PRDM16: variants seen among roughly 807,000 people sequenced by gnomAD.
PRDM16 encodes the protein PR/SET domain 16, also known as histone-lysine N-methyltransferase PRDM16.
Under a neutral mutation model 110.6 loss-of-function variants are expected in PRDM16, and 23 were observed. That is an observed-to-expected ratio of 0.21 (90% CI 0.15 to 0.29). The LOEUF (loss-of-function observed/expected upper bound fraction) is 0.29. Among genes scored for constraint, PRDM16 ranks in the 10% least tolerant of loss-of-function variants. The pLI is 1.00. For synonymous variants in PRDM16, 799 were observed against 781.8 expected (o/e 1.02, Z -0.37); for missense variants, 1,615 against 1,794.3 (o/e 0.90, Z 1.81).
At position 3,425,233 on chromosome 1, in the gene PRDM16, A is replaced by T; in HGVS notation, c.2940-348A>T. The T allele has an allele frequency of 5.5e-6, 1 of 182,042 alleles. No homozygotes were observed. Among genetic ancestry groups the T allele is most frequent in the Non-Finnish European group, 1.2e-5 (1 of 85,706 alleles). 11.3% of individuals were successfully genotyped at this position (182,042 alleles called of 1,614,324 possible). Reference sequence around the variant, plus strand: ...GCTGGGACTACAGGCGCCCACCACCACGACTGGCTGATTTTTTTGTATTTT... The same window carrying T: ...GCTGGGACTACAGGCGCCCACCACCTCGACTGGCTGATTTTTTTGTATTTT... On this transcript the variant is annotated intron_variant, in intron 12 of 16. Transcript: ENST00000270722. This position sits in a 1 kb window ranked among gnomAD's most constrained non-coding sequence, Gnocchi z 6.9.
chr1:3,177,883 C>T (rs878945973), intron 1 of PRDM16, among the ~76,000 whole-genome samples: 2 of 152,310 alleles, frequency 1.3e-5, no homozygotes, highest in African/African-American at 2.4e-5. Context: ...CAACCTCAGG[C>T]GTTCACATCT....
intron 1 of PRDM16, among the ~76,000 whole-genome samples, chr1:3,124,127 C>A (rs1160580262): frequency 6.6e-6 from 1 of 152,206 alleles, no homozygotes; most frequent in Non-Finnish European, 1.5e-5. Context: ...CTTAGGAGGG[C>A]AGGGCCGGTG....
Position 3,165,403 on chromosome 1 carries a change from GGA to G in PRDM16, c.38-20721_38-20720del, listed in dbSNP as rs1557495626. Among the ~76,000 whole-genome samples, 10 of 144,034 alleles carry G rather than the reference GGA, an allele frequency of 6.9e-5. No homozygotes were observed. In the East Asian group the frequency reaches 8.4e-4, roughly 12 times the overall value. 94.5% of individuals were successfully genotyped at this position (144,034 alleles called of 152,430 possible). On this transcript the variant is annotated intron_variant, in intron 1 of 16. Transcript: ENST00000270722. Reference sequence around the variant, plus strand: ...GAGACAGGGACTCACCAGGGCTCAGGGACAGTGACTCACCTGGGCTCAGGGAC... The same window carrying G: ...GAGACAGGGACTCACCAGGGCTCAGGCAGTGACTCACCTGGGCTCAGGGAC...
At chr1:3,343,741 C>T (rs550690991) in intron 3 of PRDM16, among the ~76,000 whole-genome samples, 46 of 152,042 alleles carry the variant, frequency 3.0e-4, no homozygotes, top group Non-Finnish European at 5.1e-4. Context: ...TCTCCGCCTC[C>T]GCCATTCTCC....
Position 3,412,207 on chromosome 1 carries a change from C to A in PRDM16, c.2010C>A (p.Ser670=), listed in dbSNP as rs749732683. 2 of 1,605,680 alleles carry A rather than the reference C, an allele frequency of 1.2e-6. No homozygotes were observed. The highest frequency in any genetic ancestry group is 2.2e-5 in the East Asian group (1 of 44,650). ...NSVAEVPVFY[S]QHSFFPPPDE... ...TGGCCGAGGTGCCTGTCTTCTATTC[C>A]CAGCACTCATTCTTCCCGCCACCCG... The change falls in exon 9 of 17, where the codon TCC becomes TCA. Residue 670 remains serine, a synonymous_variant. Transcript: ENST00000270722.
intron 2 of PRDM16, among the ~76,000 whole-genome samples, chr1:3,189,830 G>A (rs1638252920): frequency 6.6e-6 from 1 of 152,186 alleles, no homozygotes; most frequent in Non-Finnish European, 1.5e-5. Context: ...GGAACAGGGT[G>A]CGCGTCTCTT....
At chr1:3,253,729 T>C (rs949645638) in intron 3 of PRDM16, among the ~76,000 whole-genome samples, 6 of 152,174 alleles carry the variant, frequency 3.9e-5, no homozygotes, top group African/African-American at 1.4e-4. Flanking sequence ...TACCCAGTAA[T>C]GGGATGGCTG....
intron 1 of PRDM16, among the ~76,000 whole-genome samples, chr1:3,134,566 C>T (rs1174949061): frequency 6.6e-6 from 1 of 151,606 alleles, no homozygotes; most frequent in Non-Finnish European, 1.5e-5. Context: ...ACTCCGAGGG[C>T]GCGTGGAGCC....
rs1364081958 is a variant in PRDM16 at position 3,069,789 on chromosome 1, C to A, written c.37+493C>A. ...TTTGAAATAGTGGGCGCTAGAGCAC[C>A]GCCTTTGGCGTCCGCCAGCCGGGCG... On this transcript the variant is annotated intron_variant, in intron 1 of 16. Coordinates refer to ENST00000270722, the MANE Select transcript of PRDM16 (RefSeq NM_022114.4). The surrounding 1 kb of genome is among the most constrained non-coding windows in gnomAD (Gnocchi z 6.1). Among the ~76,000 whole-genome samples the A allele has an allele frequency of 6.6e-6, 1 of 152,084 alleles. No individual in the cohort carries two copies. Among genetic ancestry groups the A allele is most frequent in the South Asian group, 2.1e-4 (1 of 4,836 alleles).
chr1:3,115,468 G>A (rs999234178), intron 1 of PRDM16, among the ~76,000 whole-genome samples: 9 of 152,234 alleles, frequency 5.9e-5, no homozygotes, highest in Non-Finnish European at 8.8e-5. Context: ...AATGGCACGC[G>A]GACTTTGCAC....
chr1:3,311,990 C>T (rs946241994), intron 3 of PRDM16, among the ~76,000 whole-genome samples: 45 of 152,204 alleles, frequency 3.0e-4, no homozygotes, highest in African/African-American at 1.0e-3. Context: ...GCTCAGGGAG[C>T]CCCAAGAAAG....
Position 3,410,037 on chromosome 1 carries a change from TTG to T in PRDM16, c.1187-1339_1187-1338del, listed in dbSNP as rs535734919. ...GTGTGCTGTGTGTGCATGTGTGTGA[TTG>T]TGTGTGTACGAATGTGGTGTGTGGT... On this transcript the variant is annotated intron_variant, in intron 8 of 16. Transcript: ENST00000270722. Among the ~76,000 whole-genome samples, 161 of 141,252 alleles carry T rather than the reference TTG, an allele frequency of 1.1e-3. 1 individual carries two copies. Among genetic ancestry groups the T allele is most frequent in the African/African-American group, 4.2e-3 (155 of 36,628 alleles). 92.7% of individuals were successfully genotyped at this position (141,252 alleles called of 152,430 possible).
At chr1:3,354,170 C>T (rs1322131089) in intron 3 of PRDM16, among the ~76,000 whole-genome samples, 3 of 152,142 alleles carry the variant, frequency 2.0e-5, no homozygotes, top group Non-Finnish European at 1.5e-5. Context: ...GATAAAGAAC[C>T]ATTGCTAGGC....
At chr1:3,233,890 T>TA (rs1557547161) in intron 2 of PRDM16, among the ~76,000 whole-genome samples, 13 of 146,312 alleles carry the variant, frequency 8.9e-5, no homozygotes, top group African/African-American at 3.6e-4. Context: ...TGGGGTTTTT[T>TA]TAAAAAAAAA....
At chr1:3,147,497 C>T (rs527588465) in intron 1 of PRDM16, among the ~76,000 whole-genome samples, 3 of 152,206 alleles carry the variant, frequency 2.0e-5, no homozygotes, top group African/African-American at 7.2e-5. Flanking sequence ...GACTCCGTCG[C>T]CCTGAGGCTA....
intron 3 of PRDM16, among the ~76,000 whole-genome samples, chr1:3,314,594 C>T (rs528390440): frequency 2.6e-5 from 4 of 152,120 alleles, no homozygotes; most frequent in Admixed American, 6.5e-5. Flanking sequence ...CTCTCTCCCC[C>T]CCTCCCTCCT....
intron 1 of PRDM16, among the ~76,000 whole-genome samples, chr1:3,165,223 A>C (rs1165210098): frequency 6.6e-6 from 1 of 151,870 alleles, no homozygotes; most frequent in African/African-American, 2.4e-5. Flanking sequence ...GCATGGACTC[A>C]CCTGGGCTCA....
chr1:3,232,500 ACG>A (rs1185160400), intron 2 of PRDM16, among the ~76,000 whole-genome samples: 1 of 152,226 alleles, frequency 6.6e-6, no homozygotes, highest in Non-Finnish European at 1.5e-5. Context: ...ATAAAATACA[ACG>A]GGAAACAATT....
rs554056234 is a variant in PRDM16, at chr1:3,187,545, C to T, written c.387+1071C>T. 2.8e-4 allele frequency among the ~76,000 whole-genome samples: 43 copies of T among 152,300 alleles called. 1 individual carries two copies. Among genetic ancestry groups the T allele is most frequent in the Admixed American group, 2.7e-3 (41 of 15,302 alleles). The stretch of plus-strand genomic sequence containing the variant: ...CAGGCCTGCCCCAACTCAGACAGGC[C>T]GTGGGGAGGTTCCTGTGGCCTCCAG... On this transcript the variant is annotated intron_variant, in intron 2 of 16. Transcript: ENST00000270722.
Sources: gnomAD v4.1 joint callset for allele counts (sites outside exome capture counted in the v4.1 genomes callset) on GRCh38, gnomAD v4.1.1 for gene constraint, Gnocchi (gnomAD v3.1) non-coding constraint, MANE v1.5 for transcripts, NCBI Gene and HGNC (gene_info 2026-07-23, HGNC 2026-07-21) for gene names.